WDR70: variants seen among roughly 807,000 people sequenced by gnomAD.
WDR70 encodes the protein WD repeat-containing protein 70.
In WDR70, 53 loss-of-function variants were observed where a neutral mutation model predicts 88.6. The observed-to-expected ratio is 0.60, with a 90% CI of 0.48 to 0.75. The LOEUF (loss-of-function observed/expected upper bound fraction) is 0.75, where lower values mean the gene tolerates loss of function less well. Among genes scored for constraint, WDR70 ranks in the 30% least tolerant of loss-of-function variants. The probability of loss-of-function intolerance (pLI) is 0.00; values close to 1 mark genes in which losing one functional copy is unlikely to be tolerated. For synonymous variants in WDR70, 280 were observed against 270.0 expected, an observed-to-expected ratio of 1.04 and a Z score of -0.36; for missense variants, 610 against 823.2, an observed-to-expected ratio of 0.74 and a Z score of 3.17.
At chr5:37,726,096 T>C (rs912147619) in intron 16 of WDR70, among the ~76,000 whole-genome samples, 1 of 152,134 alleles carries the variant, frequency 6.6e-6, no homozygotes, top group Non-Finnish European at 1.5e-5. Context: ...TCCTAAGCTT[T>C]CACAAATTGG....
chr5:37,640,487 A>G (rs1745076942), intron 10 of WDR70, among the ~76,000 whole-genome samples: 2 of 152,224 alleles, frequency 1.3e-5, no homozygotes, highest in Admixed American at 6.5e-5. Context: ...GGAGTTAAAA[A>G]TAATCACAAT....
At chr5:37,626,004 G>GTTTT (rs75271863) in intron 10 of WDR70, among the ~76,000 whole-genome samples, 10 of 141,378 alleles carry the variant, frequency 7.1e-5, no homozygotes, top group African/African-American at 2.1e-4. Flanking sequence ...TTCTAAGAGA[G>GTTTT]TTTTTTTTTT....
intron 7 of WDR70, among the ~76,000 whole-genome samples, chr5:37,475,788 T>A (rs56007618): frequency 4.0e-4 from 60 of 150,904 alleles, no homozygotes; most frequent in Non-Finnish European, 7.2e-4. Context: ...TTCACTGTTT[T>A]TATTTGTCCA....
intron 9 of WDR70, among the ~76,000 whole-genome samples, chr5:37,549,937 C>T (rs898298062): frequency 1.3e-5 from 2 of 151,976 alleles, no homozygotes; most frequent in Admixed American, 6.6e-5. Context: ...TCTTGGCTCA[C>T]TGCAACCTCC....
intron 9 of WDR70, among the ~76,000 whole-genome samples, chr5:37,540,717 T>C (rs1454793423): frequency 2.0e-5 from 3 of 152,306 alleles, no homozygotes; most frequent in East Asian, 3.9e-4. Flanking sequence ...GTAGTTAGAA[T>C]TGACTTATTT....
intron 10 of WDR70, among the ~76,000 whole-genome samples, chr5:37,669,514 G>T (rs1004800979): frequency 2.7e-4 from 41 of 152,228 alleles, no homozygotes; most frequent in Admixed American, 1.0e-3. Flanking sequence ...CTGGACTGAA[G>T]CTATCCTCCT....
At chr5:37,657,213 A>G (rs953459030) in intron 10 of WDR70, among the ~76,000 whole-genome samples, 5 of 152,166 alleles carry the variant, frequency 3.3e-5, no homozygotes, top group Admixed American at 6.5e-5. Flanking sequence ...CATTCCTCAC[A>G]GCAGGGTCCC....
intron 9 of WDR70, among the ~76,000 whole-genome samples, chr5:37,532,280 G>T (rs1741516740): frequency 6.6e-6 from 1 of 152,154 alleles, no homozygotes; most frequent in African/African-American, 2.4e-5. Context: ...TGTTCTTTGA[G>T]CTTCTTGTAT....
chr5:37,379,523 G>A lies in WDR70; in HGVS notation c.60G>A (p.Gln20=). 6.2e-7 allele frequency: 1 copy of A among 1,614,030 alleles called. No individual in the cohort carries two copies. The highest frequency in any genetic ancestry group is 1.1e-5 in the South Asian group (1 of 91,078). The change falls in exon 2 of 18, where the codon CAG becomes CAA. Residue 20 remains glutamine (Q), a synonymous_variant. Transcript: ENST00000265107. ...TGSDASGPDP[Q]LAVTMGFTGF... ...CAGACGCGTCGGGACCGGACCCGCA[G>A]CTTGCGGTCACCATGGGCTTCACGG...
Position 37,724,951 on chromosome 5 carries a change from T to C in WDR70, c.1615T>C (p.Phe539Leu). The C allele has an allele frequency of 6.2e-7, 1 of 1,613,658 alleles. No individual in the cohort carries two copies. Among genetic ancestry groups the C allele is most frequent in the Non-Finnish European group, 8.5e-7 (1 of 1,179,688 alleles). ...TCTTGTAGCTCATGCCTTGCCTATGTTCCGTGAGCCCCGCCAACGGAGTAC... is the reference window on the plus strand; with the variant it reads ...TCTTGTAGCTCATGCCTTGCCTATGCTCCGTGAGCCCCGCCAACGGAGTAC... ...YIITPHALPMFREPRQRSTRK... is the reference protein window; with the variant it reads ...YIITPHALPMLREPRQRSTRK... Residue 539 changes from phenylalanine to leucine, a missense_variant, in exon 16 of 18, where the codon TTC becomes CTC. By Grantham distance (22) the Phe-to-Leu change is conservative. This residue lies in a region of WDR70 where 254 missense variants were observed against 300.7 expected (regional missense o/e 0.84). Transcript: ENST00000265107.
chr5:37,738,881 C>G (rs912269833), intron 17 of WDR70, among the ~76,000 whole-genome samples: 4 of 152,204 alleles, frequency 2.6e-5, no homozygotes, highest in Non-Finnish European at 5.9e-5. Context: ...TTTCTGTTTG[C>G]TTTATGAAAT....
intron 10 of WDR70, among the ~76,000 whole-genome samples, chr5:37,612,197 A>G (rs1032437433): frequency 6.6e-6 from 1 of 152,138 alleles, no homozygotes; most frequent in African/African-American, 2.4e-5. Flanking sequence ...CTTTGAGAAA[A>G]AAGATCATCT....
chr5:37,583,614 T>A (rs781805), intron 9 of WDR70, among the ~76,000 whole-genome samples: 39,663 of 75,818 alleles, frequency 0.52, 11,166 homozygotes, highest in Non-Finnish European at 0.61. Flanking sequence ...TCATAGTAGG[T>A]GGGATCCCTT....
At chr5:37,478,896 C>T (rs1476239115) in intron 7 of WDR70, among the ~76,000 whole-genome samples, 1 of 152,086 alleles carries the variant, frequency 6.6e-6, no homozygotes, top group East Asian at 1.9e-4. Context: ...TTCACTACAG[C>T]CACAATGGCA....
intron 10 of WDR70, among the ~76,000 whole-genome samples, chr5:37,660,323 G>T (rs1391635234): frequency 6.6e-6 from 1 of 152,092 alleles, no homozygotes; most frequent in Non-Finnish European, 1.5e-5. Context: ...ATTAGGTCAA[G>T]TTGGTTGATA....
At chr5:37,629,640 T>G (rs1458217005) in intron 10 of WDR70, among the ~76,000 whole-genome samples, 1 of 152,202 alleles carries the variant, frequency 6.6e-6, no homozygotes, top group African/African-American at 2.4e-5. Flanking sequence ...TTTATGATAA[T>G]CCACCTCTTT....
At chr5:37,575,312 G>A (rs548896915) in intron 9 of WDR70, among the ~76,000 whole-genome samples, 1 of 152,238 alleles carries the variant, frequency 6.6e-6, no homozygotes, top group African/African-American at 2.4e-5. Flanking sequence ...TGGGATGATG[G>A]CGCACCTTCT....
At chr5:37,589,330 G>T in intron 9 of WDR70, among the ~76,000 whole-genome samples, 1 of 148,288 alleles carries the variant, frequency 6.7e-6, no homozygotes. Flanking sequence ...AATGTAATAG[G>T]TATATAAGTA....
chr5:37,441,355 A>T (rs4869432), intron 6 of WDR70, among the ~76,000 whole-genome samples: 1 of 152,096 alleles, frequency 6.6e-6, no homozygotes, highest in African/African-American at 2.4e-5. Flanking sequence ...TAATTTTAAC[A>T]TAAGTATTAT....
Sources: gnomAD v4.1 joint callset for allele counts (sites outside exome capture counted in the v4.1 genomes callset) on GRCh38, gnomAD v4.1.1 for gene constraint, gnomAD v4.1.1 regional missense constraint, MANE v1.5 for transcripts, NCBI Gene and HGNC (gene_info 2026-07-23, HGNC 2026-07-21) for gene names.